UGGT2: variants seen among roughly 807,000 people sequenced by gnomAD.
UGGT2 encodes UDP-glucose:glycoprotein glucosyltransferase 2.
In UGGT2, 180 loss-of-function variants were observed where a neutral mutation model predicts 192.1. The ratio of observed to expected loss-of-function variants is 0.94; its 90% CI spans 0.83 to 1.06. The LOEUF is 1.06. Ranked by LOEUF, UGGT2 falls within the 50% of genes least tolerant of loss-of-function variation. The pLI is 0.00. For missense variants in UGGT2, 1,849 were observed against 1,795.7 expected (o/e 1.03, Z -0.54); for synonymous variants, 580 against 591.0 (o/e 0.98, Z 0.27).
chr13:95,895,187 C>T lies in UGGT2; in HGVS notation c.2752G>A (p.Ala918Thr), dbSNP rs144777472. 46 of 1,580,700 alleles carry T rather than the reference C, an allele frequency of 2.9e-5. No individual in the cohort carries two copies. Among genetic ancestry groups the T allele is most frequent in the African/African-American group, 1.8e-4 (13 of 72,798 alleles). ...KGIVENMGIN[A>T]NNMSDFIMKV... ...TAGAACTTATATACTCACTTATTTG[C>T]GTTGATTCCCATATTTTCAACAATG... is the stretch of plus-strand genomic sequence containing the variant. The change falls in exon 23 of 39, where the codon GCA becomes ACA. Residue 918 changes from alanine (A) to threonine (T), a missense_variant. By Grantham distance (58) the Ala-to-Thr change is moderately conservative (BLOSUM62 0). Transcript: ENST00000376747.
Position 95,888,110 on chromosome 13 carries a change from T to C in UGGT2, c.2959-139A>G, listed in dbSNP as rs2140219200. On this transcript the variant is annotated intron_variant, in intron 25 of 38. Transcript: ENST00000376747. ...TGATCCTTACAACGCCCTGCTGAAA[T>C]AGTACTTTTGCAGTTTAGGTACAGA... is the stretch of plus-strand genomic sequence containing the variant. The C allele has an allele frequency of 7.5e-6, 4 of 535,650 alleles. 1 individual carries two copies. The South Asian group carries it at 1.3e-4, about 18-fold the overall frequency. 33.2% of individuals were successfully genotyped at this position (535,650 alleles called of 1,614,324 possible). A position where few individuals can be genotyped will look rare whatever the true frequency, so the allele number is the denominator to read the frequency against.
At chr13:95,836,983 C>A in intron 37 of UGGT2, 103 bp downstream of exon 37, 2 of 914,428 alleles carry the variant, frequency 2.2e-6, no homozygotes, top group South Asian at 1.5e-5. Context: ...GCAGAAGAAG[C>A]GAAGTAATAC....
At chr13:95,978,935 C>T (rs868449305) in intron 10 of UGGT2, among the ~76,000 whole-genome samples, 3 of 152,260 alleles carry the variant, frequency 2.0e-5, no homozygotes, top group Non-Finnish European at 2.9e-5. Context: ...TTAGAAGCAA[C>T]ATCAACTTTT....
intron 23 of UGGT2, 54 bp from the exon 24 acceptor site, chr13:95,894,711 C>A: frequency 7.0e-7 from 1 of 1,421,508 alleles, no homozygotes; most frequent in African/African-American, 1.4e-5. Flanking sequence ...TTCCATATTT[C>A]ATGTTACAAT....
intron 25 of UGGT2, among the ~76,000 whole-genome samples, chr13:95,889,561 T>C (rs2047743220): frequency 6.6e-6 from 1 of 152,304 alleles, no homozygotes; most frequent in East Asian, 1.9e-4. Flanking sequence ...AAAGGACAAA[T>C]AGTTTGTAAA....
intron 6 of UGGT2, among the ~76,000 whole-genome samples, chr13:95,997,706 G>A (rs1314715158): frequency 6.6e-6 from 1 of 152,096 alleles, no homozygotes; most frequent in Admixed American, 6.6e-5. Context: ...GACAGCGGTA[G>A]GCAAAAGGAA....
At chr13:95,964,751 A>G (rs1475310568) in intron 12 of UGGT2, among the ~76,000 whole-genome samples, 1 of 152,140 alleles carries the variant, frequency 6.6e-6, no homozygotes, top group African/African-American at 2.4e-5. Context: ...AATGGGATCT[A>G]ATTAAACTAA....
intron 17 of UGGT2, among the ~76,000 whole-genome samples, chr13:95,935,979 A>G (rs1238138377): frequency 2.0e-5 from 3 of 151,984 alleles, no homozygotes; most frequent in African/African-American, 7.2e-5. Context: ...GGCACTCATC[A>G]CCACACCTGG....
chr13:95,967,081 T>A (rs2050604030), intron 12 of UGGT2, among the ~76,000 whole-genome samples: 2 of 152,154 alleles, frequency 1.3e-5, no homozygotes, highest in Non-Finnish European at 2.9e-5. Flanking sequence ...TTTCCCACTG[T>A]TTTTTTATGA....
chr13:95,962,452 TGGA>T (rs2050428586), intron 12 of UGGT2, among the ~76,000 whole-genome samples: 1 of 151,890 alleles, frequency 6.6e-6, no homozygotes, highest in African/African-American at 2.4e-5. Context: ...TTGGAGGAAA[TGGA>T]TAAATTCCTG....
chr13:95,991,542 T>C (rs2051458379), intron 7 of UGGT2: 5 of 416,676 alleles, frequency 1.2e-5, no homozygotes, highest in Admixed American at 1.1e-4. Context: ...CGAATAAATA[T>C]ATATAGTACA....
chr13:96,018,749 A>C (rs571083881), intron 4 of UGGT2, among the ~76,000 whole-genome samples: 80 of 148,600 alleles, frequency 5.4e-4, no homozygotes, highest in African/African-American at 1.3e-3. Context: ...GAAAAAAAAA[A>C]CAAAAAAAAC....
At position 96,023,247 on chromosome 13, in the gene UGGT2, AACT is replaced by A. The variant is rs763617633; in HGVS notation, c.373-98_373-96del. 16 of 984,598 alleles carry A rather than the reference AACT, an allele frequency of 1.6e-5. 1 individual carries two copies. In the Admixed American group the frequency reaches 2.8e-4, roughly 18 times the overall value. 61.0% of individuals were successfully genotyped at this position (984,598 alleles called of 1,614,324 possible). ...ATTACTTTGATTAAAATAACTCATC[AACT>A]ACTATTAAGTTATTGCTCTAATTAA... is the stretch of plus-strand genomic sequence containing the variant. On this transcript the variant is annotated intron_variant, in intron 3 of 38. Transcript: ENST00000376747.
intron 20 of UGGT2, among the ~76,000 whole-genome samples, 171 bp from the exon 21 acceptor site, chr13:95,903,231 A>C (rs2048163891): frequency 6.6e-6 from 1 of 152,156 alleles, no homozygotes; most frequent in Admixed American, 6.5e-5. Context: ...AAAGCCTAAC[A>C]ATCATTTTAC....
At chr13:96,042,303 T>C (rs1332785805) in intron 1 of UGGT2, among the ~76,000 whole-genome samples, 1 of 152,024 alleles carries the variant, frequency 6.6e-6, no homozygotes, top group Non-Finnish European at 1.5e-5. Context: ...GCCACATCTG[T>C]AGGAAAAGAA....
At chr13:95,884,188 T>C (rs2047579234) in intron 27 of UGGT2, among the ~76,000 whole-genome samples, 1 of 152,126 alleles carries the variant, frequency 6.6e-6, no homozygotes, top group Middle Eastern at 3.4e-3. Context: ...TTGCCAGGTG[T>C]TCCTCTCTAT....
At chr13:96,027,091 T>C (rs950904221) in intron 2 of UGGT2, among the ~76,000 whole-genome samples, 2 of 152,056 alleles carry the variant, frequency 1.3e-5, no homozygotes, top group Non-Finnish European at 2.9e-5. Flanking sequence ...AAAAGCAAAA[T>C]AGAAAATAAA....
At chr13:96,022,563 C>CA (rs11333224) in intron 4 of UGGT2, among the ~76,000 whole-genome samples, 3 of 150,386 alleles carry the variant, frequency 2.0e-5, no homozygotes, top group African/African-American at 4.9e-5. Flanking sequence ...AATAATCAGG[C>CA]AAAAAAAATA....
chr13:95,806,998 T>C (rs967500288), intron 38 of UGGT2, among the ~76,000 whole-genome samples: 6 of 152,182 alleles, frequency 3.9e-5, no homozygotes, highest in Non-Finnish European at 7.4e-5. Context: ...CTGAATAACA[T>C]GGGGGTTAGG....
Sources: gnomAD v4.1 joint callset for allele counts (sites outside exome capture counted in the v4.1 genomes callset) on GRCh38, gnomAD v4.1.1 for gene constraint, MANE v1.5 for transcripts, NCBI Gene and HGNC (gene_info 2026-07-23, HGNC 2026-07-21) for gene names.